CCDC50: variants seen among roughly 807,000 people sequenced by gnomAD.
The protein encoded by CCDC50 is coiled-coil domain-containing protein 50.
CCDC50 carries 54 observed loss-of-function variants against 70.2 expected under a neutral mutation model. That is an observed-to-expected ratio of 0.77 (90% CI 0.62 to 0.96). The LOEUF (loss-of-function observed/expected upper bound fraction) is 0.96, where lower values mean the gene tolerates loss of function less well. Ranked by LOEUF, CCDC50 falls within the 50% of genes least tolerant of loss-of-function variation. The pLI, the probability that CCDC50 is intolerant of heterozygous loss-of-function variation, is 0.00. For missense variants in CCDC50, 558 were observed against 578.7 expected (o/e 0.96, Z 0.37); for synonymous variants, 216 against 198.8 (o/e 1.09, Z -0.73).
At chr3:191,385,183 A>G (rs932662858) in intron 10 of CCDC50, among the ~76,000 whole-genome samples, 1 of 152,188 alleles carries the variant, frequency 6.6e-6, no homozygotes, top group Non-Finnish European at 1.5e-5. Flanking sequence ...ATACCCAGTA[A>G]TGGAATTGCC....
In CCDC50 at chr3:191,354,950, T is replaced by G. The variant is rs188610634; in HGVS notation, c.50-2138T>G. ...GGAAACAATGATAAGAAAAAATGTC[T>G]GTATGTATTCAGTACAGCCACATTT... On this transcript the variant is annotated intron_variant, in intron 1 of 11. Coordinates refer to ENST00000392455, the MANE Select transcript of CCDC50 (RefSeq NM_178335.3). Among the ~76,000 whole-genome samples the G allele has an allele frequency of 3.7e-4, 57 of 152,344 alleles. 1 individual carries two copies. In the East Asian group the frequency reaches 7.9e-3, roughly 21 times the overall value.
At chr3:191,373,302 A>G (rs1395244601) in intron 5 of CCDC50, among the ~76,000 whole-genome samples, 1 of 152,146 alleles carries the variant, frequency 6.6e-6, no homozygotes, top group Non-Finnish European at 1.5e-5. Flanking sequence ...ATTTATTATT[A>G]GAGAATAAAC....
intron 1 of CCDC50, among the ~76,000 whole-genome samples, chr3:191,344,858 C>T (rs553654054): frequency 2.6e-5 from 4 of 152,332 alleles, no homozygotes; most frequent in East Asian, 1.9e-4. Flanking sequence ...GGATTACAGG[C>T]GTGAGCCACC....
intron 1 of CCDC50, 41 bp from the exon 2 acceptor site, chr3:191,357,047 C>A: frequency 1.6e-6 from 2 of 1,274,280 alleles, no homozygotes; most frequent in South Asian, 1.2e-5. Flanking sequence ...TAAAGTATTA[C>A]TAATGAGCCT....
intron 4 of CCDC50, among the ~76,000 whole-genome samples, chr3:191,369,713 A>T (rs1051280827): frequency 3.9e-5 from 6 of 152,170 alleles, no homozygotes; most frequent in African/African-American, 7.2e-5. Context: ...AATCTCAATT[A>T]AAAAAGCCTG....
rs952094434 is a variant in CCDC50, at chr3:191,389,662, G to T, written c.1429+60G>T. The T allele has an allele frequency of 4.0e-5, 52 of 1,289,200 alleles. No individual in the cohort carries two copies. In the African/African-American group the frequency reaches 6.6e-4, roughly 16 times the overall value. 79.9% of individuals were successfully genotyped at this position (1,289,200 alleles called of 1,614,324 possible). A position where few individuals can be genotyped will look rare whatever the true frequency, so the allele number is the denominator to read the frequency against. On this transcript the variant is annotated intron_variant, in intron 11 of 11. Transcript: ENST00000392455. ...TCTTTTTTTATATAAGCCTCGTGTT[G>T]TAGTGGAAAAATCAAATTCTGTGTT...
At chr3:191,350,860 A>G (rs1477237568) in intron 1 of CCDC50, among the ~76,000 whole-genome samples, 1 of 141,978 alleles carries the variant, frequency 7.0e-6, no homozygotes, top group Non-Finnish European at 1.6e-5. Flanking sequence ...AATGTCCCCC[A>G]CTAAGTTTTT....
At chr3:191,367,565 C>T (rs1010192261) in intron 4 of CCDC50, among the ~76,000 whole-genome samples, 4 of 152,102 alleles carry the variant, frequency 2.6e-5, no homozygotes, top group Non-Finnish European at 4.4e-5. Context: ...GGGAGAACTT[C>T]AATTCTTTAT....
At chr3:191,340,151 G>A (rs573447751) in intron 1 of CCDC50, among the ~76,000 whole-genome samples, 1 of 152,222 alleles carries the variant, frequency 6.6e-6, no homozygotes, top group Non-Finnish European at 1.5e-5. Context: ...AATTTAATCT[G>A]TCTCCTCACA....
At chr3:191,366,501 A>T (rs1173960079) in intron 4 of CCDC50, among the ~76,000 whole-genome samples, 1 of 152,134 alleles carries the variant, frequency 6.6e-6, no homozygotes, top group Non-Finnish European at 1.5e-5. Context: ...TTAGCCCAGA[A>T]GTCTATCTCA....
chr3:191,362,381 T>A (rs1712524524), intron 4 of CCDC50, among the ~76,000 whole-genome samples: 2 of 152,090 alleles, frequency 1.3e-5, no homozygotes, highest in Non-Finnish European at 2.9e-5. Context: ...TGCCTCAGCC[T>A]CCCAAAGCAC....
intron 10 of CCDC50, among the ~76,000 whole-genome samples, chr3:191,385,497 GGTT>G (rs1183421996): frequency 6.6e-6 from 1 of 151,934 alleles, no homozygotes; most frequent in African/African-American, 2.4e-5. Flanking sequence ...TTTTTAATAG[GGTT>G]GTTTTTTCCT....
At chr3:191,356,726 G>A (rs1159963087) in intron 1 of CCDC50, among the ~76,000 whole-genome samples, 1 of 152,178 alleles carries the variant, frequency 6.6e-6, no homozygotes, top group Non-Finnish European at 1.5e-5. Flanking sequence ...GTAGCAATAT[G>A]CAAAGCATGA....
chr3:191,391,796 T>C lies in CCDC50; in HGVS notation c.*36T>C. 1 of 1,574,798 alleles carries C rather than the reference T, an allele frequency of 6.4e-7. No homozygotes were observed. The highest frequency in any genetic ancestry group is 8.7e-7 in the Non-Finnish European group (1 of 1,144,724). On this transcript the variant is annotated 3_prime_UTR_variant, in exon 12 of 12. Coordinates refer to ENST00000392455, the MANE Select transcript of CCDC50 (RefSeq NM_178335.3). ...ATCTGCCTTGAAAATGGACTCACTA[T>C]AGCAAATATTACTGGGTGATACAGA... is the stretch of plus-strand genomic sequence containing the variant.
chr3:191,349,966 A>AACCCCCCC (rs1712048855), intron 1 of CCDC50, among the ~76,000 whole-genome samples: 1 of 105,618 alleles, frequency 9.5e-6, no homozygotes, highest in Non-Finnish European at 2.2e-5. Context: ...ATTTAATAAT[A>AACCCCCCC]CCCCCCCCCT....
intron 9 of CCDC50, among the ~76,000 whole-genome samples, chr3:191,381,569 C>T (rs1713320811): frequency 6.6e-6 from 1 of 152,056 alleles, no homozygotes; most frequent in Non-Finnish European, 1.5e-5. Context: ...TCAGTGACAG[C>T]GCGTAAGACA....
intron 6 of CCDC50, among the ~76,000 whole-genome samples, chr3:191,376,311 T>C (rs1713111136): frequency 6.6e-6 from 1 of 152,188 alleles, no homozygotes; most frequent in South Asian, 2.1e-4. Context: ...CTACAGTTGG[T>C]GTTCTAAAGT....
At chr3:191,344,066 G>T (rs1334551836) in intron 1 of CCDC50, among the ~76,000 whole-genome samples, 3 of 152,186 alleles carry the variant, frequency 2.0e-5, no homozygotes, top group African/African-American at 7.2e-5. Flanking sequence ...TAAATCAGTG[G>T]CTGACACAAG....
chr3:191,369,546 A>G (rs1189139207), intron 4 of CCDC50, among the ~76,000 whole-genome samples: 1 of 152,188 alleles, frequency 6.6e-6, no homozygotes, highest in East Asian at 1.9e-4. Context: ...TTTTTAAATT[A>G]TAAAGTTTTG....
Sources: gnomAD v4.1 joint callset for allele counts (sites outside exome capture counted in the v4.1 genomes callset) on GRCh38, gnomAD v4.1.1 for gene constraint, MANE v1.5 for transcripts, NCBI Gene and HGNC (gene_info 2026-07-23, HGNC 2026-07-21) for gene names.